The following NAV3 variants were observed in gnomAD, a reference collection of about 807,000 sequenced individuals.
The protein encoded by NAV3 is neuron navigator 3.
NAV3 carries 87 observed loss-of-function variants against 244.7 expected under a neutral mutation model. The observed-to-expected ratio is 0.36, with a 90% CI of 0.30 to 0.42. NAV3 has a LOEUF of 0.42. NAV3 is among the 20% of genes least tolerant of loss of function. The pLI is 1.00. For missense variants in NAV3, 2,663 were observed against 2,893.3 expected (o/e 0.92, Z 1.83); for synonymous variants, 1,126 against 1,042.2 (o/e 1.08, Z -1.55).
At position 78,177,331 on chromosome 12, in the gene NAV3, CA is replaced by C; in HGVS notation, c.5297+22del. On this transcript the variant is annotated intron_variant, in intron 27 of 39. Transcript: ENST00000397909. ...GCTTCAGCGTAAGTTGCTCCTTCTG[CA>C]AAATGCAGACATATTTTTTAAAAAC... is the stretch of plus-strand genomic sequence containing the variant. The C allele has an allele frequency of 6.3e-7, 1 of 1,598,224 alleles. No individual in the cohort carries two copies. The highest frequency in any genetic ancestry group is 8.5e-7 in the Non-Finnish European group (1 of 1,174,704).
intron 16 of NAV3, among the ~76,000 whole-genome samples, chr12:78,124,250 T>G (rs540395218): frequency 5.5e-4 from 84 of 152,300 alleles, no homozygotes; most frequent in African/African-American, 1.9e-3. Context: ...CAAAACTAGA[T>G]GAAAGATTGG....
intron 2 of NAV3, among the ~76,000 whole-genome samples, chr12:77,619,427 T>C (rs949241114): frequency 6.6e-6 from 1 of 152,226 alleles, no homozygotes; most frequent in African/African-American, 2.4e-5. Context: ...ACAATTGCAT[T>C]TCATTTTTCC....
chr12:77,983,372 A>G (rs560500023), intron 5 of NAV3, among the ~76,000 whole-genome samples: 2 of 152,270 alleles, frequency 1.3e-5, no homozygotes, highest in South Asian at 2.1e-4. Context: ...GTAAAAGACA[A>G]TCATCACGTC....
At chr12:77,936,676 A>C (rs752666846) in intron 1 of NAV3, among the ~76,000 whole-genome samples, 7 of 152,212 alleles carry the variant, frequency 4.6e-5, no homozygotes, top group Non-Finnish European at 7.3e-5. Flanking sequence ...TATTTTTGTG[A>C]TAATGAACTG....
At chr12:77,653,875 T>C (rs570739557) in intron 2 of NAV3, among the ~76,000 whole-genome samples, 1 of 152,218 alleles carries the variant, frequency 6.6e-6, no homozygotes, top group East Asian at 1.9e-4. Flanking sequence ...TATATGCATA[T>C]ATGTGGGACA....
intron 8 of NAV3, among the ~76,000 whole-genome samples, chr12:78,012,495 C>G (rs1875477804): frequency 6.6e-6 from 1 of 152,044 alleles, no homozygotes. Context: ...ATCTAATACC[C>G]TGTTCACAAT....
intron 2 of NAV3, among the ~76,000 whole-genome samples, chr12:77,621,475 C>CTTTTTTTTTTTTTT (rs1253726398): frequency 7.0e-6 from 1 of 142,024 alleles, no homozygotes; most frequent in Non-Finnish European, 1.5e-5. Context: ...TTTTTCTCTT[C>CTTTTTTTTTTTTTT]TCTTTTTTTT....
intron 2 of NAV3, among the ~76,000 whole-genome samples, chr12:77,806,314 T>C (rs776672894): frequency 6.6e-6 from 1 of 152,224 alleles, no homozygotes; most frequent in Non-Finnish European, 1.5e-5. Flanking sequence ...GTGCTATAAA[T>C]TCCCCTCTAA....
chr12:77,814,875 C>A (rs1353152279), intron 2 of NAV3, among the ~76,000 whole-genome samples: 3 of 152,074 alleles, frequency 2.0e-5, no homozygotes, highest in Non-Finnish European at 4.4e-5. Context: ...GTGTGCAGCC[C>A]CAGTTTCAGG....
At chr12:77,980,743 A>G (rs1869415509) in intron 5 of NAV3, among the ~76,000 whole-genome samples, 1 of 152,198 alleles carries the variant, frequency 6.6e-6, no homozygotes, top group Non-Finnish European at 1.5e-5. Flanking sequence ...GTAGCGTAGT[A>G]CTTTGAGCTA....
In NAV3 at chr12:78,010,256, C is replaced by A. The variant is rs575687197; in HGVS notation, c.1907+2811C>A. On this transcript the variant is annotated intron_variant, in intron 8 of 39. Coordinates refer to ENST00000397909, the MANE Select transcript of NAV3 (RefSeq NM_001024383.2). ...GAGTCATGACATTTGGATTATGTAA[C>A]CTTTTATGTTCTTTCTGACTTTCAC... Among the ~76,000 whole-genome samples, 68 of 152,220 alleles carry A rather than the reference C, an allele frequency of 4.5e-4. 1 individual carries two copies. Among genetic ancestry groups the A allele is most frequent in the African/African-American group, 1.5e-3 (62 of 41,558 alleles).
chr12:77,900,287 A>G (rs1007999896), intron 1 of NAV3, among the ~76,000 whole-genome samples: 6 of 152,046 alleles, frequency 3.9e-5, no homozygotes, highest in African/African-American at 7.2e-5. Flanking sequence ...CATGTTAGCC[A>G]GGATGGTCTC....
intron 2 of NAV3, among the ~76,000 whole-genome samples, chr12:77,759,529 A>G (rs1249725480): frequency 6.6e-6 from 1 of 152,230 alleles, no homozygotes; most frequent in East Asian, 1.9e-4. Flanking sequence ...GTAAAGCTTT[A>G]AATATTGTCC....
At chr12:77,617,417 T>A (rs1180232001) in intron 2 of NAV3, among the ~76,000 whole-genome samples, 1 of 152,142 alleles carries the variant, frequency 6.6e-6, no homozygotes. Flanking sequence ...GGATTACTTG[T>A]CCTGGGGAGA....
chr12:78,110,543 A>G (rs1396117044), intron 12 of NAV3, among the ~76,000 whole-genome samples: 1 of 152,062 alleles, frequency 6.6e-6, no homozygotes, highest in African/African-American at 2.4e-5. Flanking sequence ...CATGTAACAA[A>G]ATTGAACATG....
chr12:78,182,316 G>A (rs1344945268), intron 30 of NAV3, among the ~76,000 whole-genome samples: 1 of 151,946 alleles, frequency 6.6e-6, no homozygotes, highest in African/African-American at 2.4e-5. Flanking sequence ...CCTCTATGTT[G>A]GCTTGTTGCT....
chr12:77,838,977 C>A (rs1340116318), intron 1 of NAV3, among the ~76,000 whole-genome samples: 1 of 152,154 alleles, frequency 6.6e-6, no homozygotes, highest in Non-Finnish European at 1.5e-5. Flanking sequence ...TTAGTGATCC[C>A]ATTTCTCATA....
intron 15 of NAV3, 137 bp from the exon 16 acceptor site, chr12:78,121,803 C>T (rs1303604425): frequency 3.6e-6 from 4 of 1,119,968 alleles, no homozygotes; most frequent in Non-Finnish European, 5.0e-6. Flanking sequence ...TATAAAAGTT[C>T]ATTAACATAG....
chr12:78,185,814 A>T, intron 31 of NAV3, 116 bp downstream of exon 31: 1 of 834,548 alleles, frequency 1.2e-6, no homozygotes, highest in Non-Finnish European at 1.9e-6. Context: ...GTGGATTGGC[A>T]TTAGCTTAAC....
Sources: gnomAD v4.1 joint callset for allele counts (sites outside exome capture counted in the v4.1 genomes callset) on GRCh38, gnomAD v4.1.1 for gene constraint, MANE v1.5 for transcripts, NCBI Gene and HGNC (gene_info 2026-07-23, HGNC 2026-07-21) for gene names.